FRS2: variants seen among roughly 807,000 people sequenced by gnomAD.
FRS2 encodes the protein fibroblast growth factor receptor substrate 2, also known as FGFR signalling adaptor.
A neutral mutation model predicts 43.9 loss-of-function variants in FRS2; 8 were observed. The observed-to-expected ratio is 0.18, with a 90% CI of 0.11 to 0.33. FRS2 has a LOEUF of 0.33. Ranked by LOEUF, FRS2 falls within the 10% of genes least tolerant of loss-of-function variation. The pLI, the probability that FRS2 is intolerant of heterozygous loss-of-function variation, is 1.00. For synonymous variants in FRS2, 219 were observed against 220.3 expected (o/e 0.99, Z 0.05); for missense variants, 534 against 627.6 (o/e 0.85, Z 1.59).
intron 1 of FRS2, among the ~76,000 whole-genome samples, chr12:69,470,766 T>A (rs906710405): frequency 6.6e-6 from 1 of 152,132 alleles, no homozygotes; most frequent in Non-Finnish European, 1.5e-5. Flanking sequence ...CTGTTGTTGC[T>A]GTTGGGACTC....
intron 1 of FRS2, among the ~76,000 whole-genome samples, chr12:69,486,900 T>C (rs1872006102): frequency 6.6e-6 from 1 of 152,224 alleles, no homozygotes; most frequent in Non-Finnish European, 1.5e-5. Flanking sequence ...GAAAAAAGGT[T>C]TGAAGCCAAA....
At chr12:69,503,847 C>T (rs580180) in intron 1 of FRS2, among the ~76,000 whole-genome samples, 14,191 of 152,208 alleles carry the variant, frequency 0.093, 876 homozygotes, top group Non-Finnish European at 0.14. Context: ...GAAATGAGAA[C>T]AACACCAGTG....
At chr12:69,532,398 T>A (rs1876891467) in intron 3 of FRS2, among the ~76,000 whole-genome samples, 1 of 152,192 alleles carries the variant, frequency 6.6e-6, no homozygotes, top group Non-Finnish European at 1.5e-5. Flanking sequence ...ATTGCCTACG[T>A]GACTTGGAGG....
chr12:69,515,954 C>T (rs1334149017), intron 1 of FRS2, among the ~76,000 whole-genome samples: 1 of 142,962 alleles, frequency 7.0e-6, no homozygotes, highest in African/African-American at 2.6e-5. Context: ...TTATTTAACC[C>T]CGGGAAATAT....
At position 69,575,237 on chromosome 12, in the gene FRS2, A is replaced by G; in HGVS notation, c.*282A>G. The G allele has an allele frequency of 2.7e-6, 1 of 377,132 alleles. No individual in the cohort carries two copies. Among genetic ancestry groups the G allele is most frequent in the Non-Finnish European group, 4.8e-6 (1 of 209,942 alleles). 23.4% of individuals were successfully genotyped at this position (377,132 alleles called of 1,614,324 possible). ...GTAAATGACATGCTGGTTGATTTTTATCAATATTCTGGACTTAACGCATAC... is the reference window on the plus strand; with the variant it reads ...GTAAATGACATGCTGGTTGATTTTTGTCAATATTCTGGACTTAACGCATAC... On this transcript the variant is annotated 3_prime_UTR_variant, in exon 9 of 9. Transcript: ENST00000549921.
rs1880814461 is a variant in FRS2, at chr12:69,572,101, A to G, written c.413-17A>G. The G allele has an allele frequency of 1.2e-6, 2 of 1,609,838 alleles. No individual in the cohort carries two copies. Among genetic ancestry groups the G allele is most frequent in the Middle Eastern group, 1.7e-4 (1 of 6,028 alleles). ...GCCCCGCCCCCCTTTTCCTTAAACC[A>G]ATAAACAAAAACTCAGCTCCAGGAT... On this transcript the variant is annotated splice_polypyrimidine_tract_variant and intron_variant, in intron 7 of 8. Transcript: ENST00000549921.
chr12:69,506,395 T>C (rs553827142), intron 1 of FRS2, among the ~76,000 whole-genome samples: 1 of 152,318 alleles, frequency 6.6e-6, no homozygotes, highest in Admixed American at 6.5e-5. Context: ...TTTAGTAGTC[T>C]CTTGAATTTA....
chr12:69,524,548 G>T (rs1281387348), intron 1 of FRS2, among the ~76,000 whole-genome samples: 2 of 152,012 alleles, frequency 1.3e-5, no homozygotes, highest in Non-Finnish European at 2.9e-5. Flanking sequence ...GTGTGGCCAG[G>T]GTGGGACCCT....
intron 1 of FRS2, among the ~76,000 whole-genome samples, chr12:69,492,012 G>A (rs1440781515): frequency 6.6e-6 from 1 of 152,076 alleles, no homozygotes; most frequent in African/African-American, 2.4e-5. Context: ...TACTAGTTTG[G>A]TTATATGCTG....
chr12:69,534,977 A>G (rs1013596674), intron 3 of FRS2, among the ~76,000 whole-genome samples: 4 of 152,150 alleles, frequency 2.6e-5, no homozygotes, highest in African/African-American at 9.7e-5. Flanking sequence ...TTTCAGTCAT[A>G]TATACAGTAT....
intron 4 of FRS2, among the ~76,000 whole-genome samples, chr12:69,562,842 A>C (rs1292313105): frequency 6.6e-6 from 1 of 151,908 alleles, no homozygotes; most frequent in Non-Finnish European, 1.5e-5. Context: ...GGTGTGTGCC[A>C]CTGTGCCCAG....
intron 1 of FRS2, among the ~76,000 whole-genome samples, chr12:69,501,935 G>A (rs1026310905): frequency 6.6e-6 from 1 of 151,998 alleles, no homozygotes; most frequent in South Asian, 2.1e-4. Context: ...ACAACTGTAT[G>A]GAGAAACACC....
intron 1 of FRS2, among the ~76,000 whole-genome samples, chr12:69,503,114 A>C (rs1275840701): frequency 1.3e-5 from 2 of 152,178 alleles, no homozygotes. Context: ...TTCTAAGCTC[A>C]TTCAGATTAT....
chr12:69,558,890 G>A (rs1879654254), intron 3 of FRS2, among the ~76,000 whole-genome samples: 1 of 152,192 alleles, frequency 6.6e-6, no homozygotes, highest in African/African-American at 2.4e-5. Flanking sequence ...CTCAGTGTAT[G>A]GATAGGGAAA....
At chr12:69,518,891 G>A (rs1324228015) in intron 1 of FRS2, among the ~76,000 whole-genome samples, 1 of 151,378 alleles carries the variant, frequency 6.6e-6, no homozygotes, top group Non-Finnish European at 1.5e-5. Context: ...GTGCATGCCT[G>A]TAATCCCAGC....
At chr12:69,523,757 A>G (rs988493110) in intron 1 of FRS2, among the ~76,000 whole-genome samples, 6 of 152,142 alleles carry the variant, frequency 3.9e-5, no homozygotes, top group Non-Finnish European at 7.3e-5. Context: ...GCTTTTGTAA[A>G]GCAGGTCTAG....
chr12:69,480,257 G>A (rs1217799565), intron 1 of FRS2: 5 of 152,132 alleles, frequency 3.3e-5, no homozygotes, highest in African/African-American at 1.2e-4. Flanking sequence ...ACCAAAACTT[G>A]TACCCATTAG....
At chr12:69,474,938 AT>A (rs1301159002) in intron 1 of FRS2, among the ~76,000 whole-genome samples, 1 of 152,036 alleles carries the variant, frequency 6.6e-6, no homozygotes, top group African/African-American at 2.4e-5. Flanking sequence ...TTCCAACTCT[AT>A]TTTATAAGTT....
At chr12:69,566,241 T>G (rs988448783) in intron 4 of FRS2, among the ~76,000 whole-genome samples, 6 of 152,128 alleles carry the variant, frequency 3.9e-5, no homozygotes, top group Non-Finnish European at 8.8e-5. Flanking sequence ...TTCCTGCTCC[T>G]TTTGAGAAAA....
Sources: allele counts gnomAD v4.1 joint callset (sites outside exome capture counted in the v4.1 genomes callset), GRCh38; gene constraint gnomAD v4.1.1; transcripts MANE v1.5; gene names NCBI Gene and HGNC (gene_info 2026-07-23, HGNC 2026-07-21).